The following UNC13C variants were observed in gnomAD, a reference collection of about 807,000 sequenced individuals.
UNC13C encodes the protein unc-13 homolog C.
UNC13C carries 174 observed loss-of-function variants against 245.4 expected under a neutral mutation model. That is an observed-to-expected ratio of 0.71 (90% CI 0.63 to 0.80). The LOEUF is 0.80. Ranked by LOEUF, UNC13C falls within the 30% of genes least tolerant of loss-of-function variation. The pLI, the probability that UNC13C is intolerant of heterozygous loss-of-function variation, is 0.00. For synonymous variants in UNC13C, 992 were observed against 895.1 expected (o/e 1.11, Z -1.93); for missense variants, 2,829 against 2,602.9 (o/e 1.09, Z -1.89).
chr15:54,049,914 A>G (rs1331717789), intron 2 of UNC13C: 1 of 220,826 alleles, frequency 4.5e-6, no homozygotes, highest in Non-Finnish European at 9.4e-6. Flanking sequence ...CTGAGTTCCA[A>G]TCTATTTTTA....
intron 2 of UNC13C, among the ~76,000 whole-genome samples, chr15:54,091,747 T>G (rs1293582541): frequency 7.3e-6 from 1 of 137,686 alleles, no homozygotes; most frequent in South Asian, 2.5e-4. Flanking sequence ...TTATCTCTTA[T>G]AGTTTTTCAA....
intron 30 of UNC13C, among the ~76,000 whole-genome samples, chr15:54,600,461 G>C (rs1457304138): frequency 6.6e-6 from 1 of 152,044 alleles, no homozygotes; most frequent in Non-Finnish European, 1.5e-5. Context: ...TGGAGCAGAA[G>C]GTCCAATTTG....
rs28393026 is a variant in UNC13C, at chr15:54,063,001, G to A, written c.2983+47115G>A. On this transcript the variant is annotated intron_variant, in intron 2 of 32. Coordinates refer to ENST00000260323, the MANE Select transcript of UNC13C (RefSeq NM_001080534.3). ...TGAGAGGGGAAAGAAAGGCTCATTA[G>A]TTCCCGTTAGGGATAGGCCTGGATA... Among the ~76,000 whole-genome samples, 372 of 152,314 alleles carry A rather than the reference G, an allele frequency of 2.4e-3. 2 individuals carry two copies. The highest frequency in any genetic ancestry group is 8.5e-3 in the African/African-American group (353 of 41,578).
At chr15:54,218,999 A>T (rs2035132624) in intron 4 of UNC13C, among the ~76,000 whole-genome samples, 2 of 152,160 alleles carry the variant, frequency 1.3e-5, no homozygotes, top group South Asian at 4.2e-4. Flanking sequence ...GGAAGAATCA[A>T]TATCGTGAAA....
intron 17 of UNC13C, among the ~76,000 whole-genome samples, chr15:54,350,093 G>C (rs943104323): frequency 5.3e-5 from 8 of 151,830 alleles, no homozygotes; most frequent in Admixed American, 4.6e-4. Context: ...CTGGCTTCAC[G>C]CCAGTCTCCT....
intron 2 of UNC13C, among the ~76,000 whole-genome samples, chr15:54,044,886 A>T (rs1896963835): frequency 6.6e-6 from 1 of 152,010 alleles, no homozygotes; most frequent in African/African-American, 2.4e-5. Context: ...AGCAAAATAT[A>T]TATTCGAATT....
intron 1 of UNC13C, among the ~76,000 whole-genome samples, chr15:53,985,222 T>C (rs1026078409): frequency 2.6e-5 from 4 of 152,064 alleles, no homozygotes; most frequent in African/African-American, 9.7e-5. Flanking sequence ...CCTGTGTTAT[T>C]TTGCTGAGAA....
the UNC13C span, among the ~76,000 whole-genome samples, chr15:53,856,025 G>T: frequency 1.9e-4 from 29 of 152,246 alleles, no homozygotes; most frequent in Admixed American, 1.1e-3. Context: ...TTGGGAGTGT[G>T]TATGTGTCCA....
At chr15:54,205,774 G>T (rs1203497994) in intron 4 of UNC13C, among the ~76,000 whole-genome samples, 2 of 151,970 alleles carry the variant, frequency 1.3e-5, no homozygotes, top group Admixed American at 6.6e-5. Context: ...AAATTGAAAG[G>T]CAAACACCTC....
At chr15:54,050,562 G>T in intron 2 of UNC13C, 1 of 445,272 alleles carries the variant, frequency 2.2e-6, no homozygotes, top group South Asian at 1.8e-5. Context: ...GTATTCTCCA[G>T]AGTGAGCTGC....
chr15:53,998,887 TA>T (rs1566939360), intron 1 of UNC13C, among the ~76,000 whole-genome samples: 1 of 152,112 alleles, frequency 6.6e-6, no homozygotes, highest in African/African-American at 2.4e-5. Context: ...CTCCCTTTTT[TA>T]ATGTGTTCAA....
At chr15:54,076,537 C>T (rs1898637833) in intron 2 of UNC13C, among the ~76,000 whole-genome samples, 1 of 151,878 alleles carries the variant, frequency 6.6e-6, no homozygotes, top group Non-Finnish European at 1.5e-5. Context: ...ATGTGGGAAA[C>T]ATTCAGGTTA....
intron 2 of UNC13C, chr15:54,050,621 A>T (rs917750674): frequency 2.3e-6 from 1 of 437,706 alleles, no homozygotes; most frequent in Non-Finnish European, 4.5e-6. Context: ...TAAATTTATC[A>T]TCAGAACTTA....
intron 19 of UNC13C, among the ~76,000 whole-genome samples, chr15:54,454,920 C>CGA (rs879369233): frequency 1.3e-5 from 2 of 151,270 alleles, no homozygotes; most frequent in Non-Finnish European, 2.9e-5. Context: ...CCCATCACGT[C>CGA]AGTAGTATAC....
chr15:54,322,181 A>T, intron 14 of UNC13C, 86 bp downstream of exon 14: 1 of 1,307,894 alleles, frequency 7.6e-7, no homozygotes, highest in Non-Finnish European at 1.0e-6. Flanking sequence ...ATATTCCTGG[A>T]ATCTTATTGC....
At chr15:53,963,126 C>T in the UNC13C span, among the ~76,000 whole-genome samples, 8 of 152,168 alleles carry the variant, frequency 5.3e-5, no homozygotes, top group African/African-American at 1.4e-4. Context: ...AAATTAGACA[C>T]GCCAGCAGAG....
intron 17 of UNC13C, among the ~76,000 whole-genome samples, chr15:54,371,292 T>TA (rs2039481703): frequency 6.6e-6 from 1 of 152,192 alleles, no homozygotes; most frequent in South Asian, 2.1e-4. Context: ...TATTTGTTTT[T>TA]AATACCTGAT....
chr15:54,490,087 T>A (rs533457625), intron 19 of UNC13C, among the ~76,000 whole-genome samples: 2 of 152,220 alleles, frequency 1.3e-5, no homozygotes, highest in Admixed American at 6.5e-5. Context: ...CATAAAGGGA[T>A]AAAGATTAAT....
At chr15:54,211,603 G>C (rs2034880145) in intron 4 of UNC13C, among the ~76,000 whole-genome samples, 1 of 152,028 alleles carries the variant, frequency 6.6e-6, no homozygotes, top group Non-Finnish European at 1.5e-5. Flanking sequence ...TAGCTCCAGT[G>C]CACCACTGGT....
Sources: allele counts gnomAD v4.1 joint callset (sites outside exome capture counted in the v4.1 genomes callset), GRCh38; gene constraint gnomAD v4.1.1; transcripts MANE v1.5; gene names NCBI Gene and HGNC (gene_info 2026-07-23, HGNC 2026-07-21).